THSD4: variants seen among roughly 807,000 people sequenced by gnomAD.
THSD4 encodes the protein thrombospondin type 1 domain containing 4.
In THSD4, 69 loss-of-function variants were observed where a neutral mutation model predicts 119.0. That is an observed-to-expected ratio of 0.58 (90% CI 0.48 to 0.71). THSD4 has a LOEUF of 0.71. Among genes scored for constraint, THSD4 ranks in the 30% least tolerant of loss-of-function variants. THSD4 has a pLI of 0.00. For missense variants in THSD4, 1,393 were observed against 1,391.1 expected (o/e 1.00, Z -0.02); for synonymous variants, 524 against 540.4 (o/e 0.97, Z 0.42).
intron 2 of THSD4, 108 bp from the exon 3 acceptor site, chr15:71,154,741 CCCAGGGCCTGGGTT>C: frequency 1.0e-6 from 1 of 961,118 alleles, no homozygotes; most frequent in Non-Finnish European, 1.7e-6. Context: ...TGGGTCACAT[CCCAGGGCCTGGGTT>C]GGGCTGTTCC....
intron 7 of THSD4, among the ~76,000 whole-genome samples, chr15:71,607,108 G>A (rs1444967253): frequency 6.6e-6 from 1 of 152,198 alleles, no homozygotes; most frequent in Non-Finnish European, 1.5e-5. Context: ...TATCAGAGAT[G>A]CTCTGACACT....
intron 6 of THSD4, among the ~76,000 whole-genome samples, chr15:71,313,807 G>C (rs1015156405): frequency 3.3e-5 from 5 of 152,130 alleles, no homozygotes; most frequent in Non-Finnish European, 7.3e-5. Flanking sequence ...TGTACCGACT[G>C]GGGGCTCTCC....
chr15:71,777,600 GATCCCCTCCTTGGACCTGGC>G lies in THSD4; in HGVS notation c.*230_*249del. On this transcript the variant is annotated 3_prime_UTR_variant, in exon 18 of 18. Coordinates refer to ENST00000261862, the MANE Select transcript of THSD4 (RefSeq NM_024817.3). ...CCTTTAAGCATCACCATGTACTGAT[GATCCCCTCCTTGGACCTGGC>G]ATCTGCTAATGGTGCCCTTTGAAAG... 1 of 581,042 alleles carries G rather than the reference GATCCCCTCCTTGGACCTGGC, an allele frequency of 1.7e-6. No homozygotes were observed. Among genetic ancestry groups the G allele is most frequent in the Non-Finnish European group, 3.0e-6 (1 of 331,132 alleles). The allele number at this position is 581,042 out of a possible 1,614,324, so 36.0% of individuals were successfully genotyped here.
At chr15:71,301,168 G>GA (rs1253164122) in intron 6 of THSD4, among the ~76,000 whole-genome samples, 1 of 151,930 alleles carries the variant, frequency 6.6e-6, no homozygotes, top group Non-Finnish European at 1.5e-5. Context: ...AAAAGCAAGA[G>GA]AAAAAAATCA....
At chr15:71,356,929 G>A (rs1403122596) in intron 6 of THSD4, among the ~76,000 whole-genome samples, 1 of 152,210 alleles carries the variant, frequency 6.6e-6, no homozygotes, top group African/African-American at 2.4e-5. Context: ...GGTGATCACT[G>A]AGTCCAGCCC....
chr15:71,384,711 A>G (rs1596387579), intron 6 of THSD4, among the ~76,000 whole-genome samples: 1 of 152,202 alleles, frequency 6.6e-6, no homozygotes, highest in Non-Finnish European at 1.5e-5. Flanking sequence ...TTTAAAATGC[A>G]CTTCTTAAAG....
At chr15:71,217,611 A>G (rs971318813) in intron 4 of THSD4, among the ~76,000 whole-genome samples, 2 of 151,044 alleles carry the variant, frequency 1.3e-5, no homozygotes, top group African/African-American at 4.9e-5. Context: ...CAACAGAGAG[A>G]GACTCCGTCT....
intron 3 of THSD4, among the ~76,000 whole-genome samples, chr15:71,208,131 T>C (rs1452700676): frequency 6.6e-6 from 1 of 152,198 alleles, no homozygotes; most frequent in Admixed American, 6.5e-5. Flanking sequence ...AAGTGTCCAT[T>C]GATCCACATT....
chr15:71,260,944 T>C (rs1596300937), intron 6 of THSD4, among the ~76,000 whole-genome samples: 2 of 151,618 alleles, frequency 1.3e-5, no homozygotes, highest in South Asian at 2.1e-4. Context: ...CTACTGAAAA[T>C]AGAAAAAATT....
intron 7 of THSD4, among the ~76,000 whole-genome samples, chr15:71,617,786 C>T (rs557380963): frequency 6.6e-6 from 1 of 152,330 alleles, no homozygotes; most frequent in South Asian, 2.1e-4. Flanking sequence ...GCCTCTGCAA[C>T]ATTTAGTGAC....
chr15:71,656,500 C>T (rs547614441), intron 7 of THSD4, among the ~76,000 whole-genome samples: 1 of 152,146 alleles, frequency 6.6e-6, no homozygotes, highest in African/African-American at 2.4e-5. Context: ...TGGGGTTGGT[C>T]CCTCTTAATC....
chr15:71,464,960 C>A (rs16955655), intron 7 of THSD4, among the ~76,000 whole-genome samples: 29,853 of 151,852 alleles, frequency 0.2, 3,279 homozygotes, highest in South Asian at 0.37. Flanking sequence ...TATATTCCCC[C>A]GTGAGTAAGT....
intron 17 of THSD4, among the ~76,000 whole-genome samples, chr15:71,775,276 A>G (rs1478095488): frequency 6.6e-6 from 1 of 152,272 alleles, no homozygotes; most frequent in African/African-American, 2.4e-5. Context: ...GATACAAAAA[A>G]TTATCTAAAT....
At chr15:71,558,684 T>G (rs1323790794) in intron 7 of THSD4, among the ~76,000 whole-genome samples, 1 of 152,138 alleles carries the variant, frequency 6.6e-6, no homozygotes, top group Non-Finnish European at 1.5e-5. Flanking sequence ...TTGACCAAGC[T>G]GATCTTGGAC....
intron 6 of THSD4, among the ~76,000 whole-genome samples, chr15:71,390,822 T>G (rs1246572254): frequency 6.6e-6 from 1 of 151,828 alleles, no homozygotes; most frequent in Non-Finnish European, 1.5e-5. Context: ...GGCTCCTCAA[T>G]TTTTAGGTAA....
At chr15:71,369,344 A>G (rs961967105) in intron 6 of THSD4, among the ~76,000 whole-genome samples, 3 of 152,216 alleles carry the variant, frequency 2.0e-5, no homozygotes, top group African/African-American at 7.2e-5. Flanking sequence ...GAGAGAGGGC[A>G]TCCCTGTCTT....
intron 6 of THSD4, among the ~76,000 whole-genome samples, chr15:71,398,945 A>G (rs1244802969): frequency 6.6e-6 from 1 of 152,008 alleles, no homozygotes; most frequent in Admixed American, 6.5e-5. Flanking sequence ...GGGGAAGCAG[A>G]AAGTCCCCAG....
intron 8 of THSD4, among the ~76,000 whole-genome samples, chr15:71,662,105 C>T (rs993788807): frequency 2.0e-5 from 3 of 152,142 alleles, no homozygotes; most frequent in African/African-American, 4.8e-5. Flanking sequence ...TGCCACTGGC[C>T]GTGCAGCAGT....
chr15:71,606,423 A>G (rs929400657), intron 7 of THSD4, among the ~76,000 whole-genome samples: 5 of 152,216 alleles, frequency 3.3e-5, no homozygotes, highest in Admixed American at 1.3e-4. Flanking sequence ...TTAGGCTTCT[A>G]TGGCAAAGTG....
Sources: gnomAD v4.1 joint callset for allele counts (sites outside exome capture counted in the v4.1 genomes callset) on GRCh38, gnomAD v4.1.1 for gene constraint, MANE v1.5 for transcripts, NCBI Gene and HGNC (gene_info 2026-07-23, HGNC 2026-07-21) for gene names.